PITPNA: variants seen among roughly 807,000 people sequenced by gnomAD.
PITPNA encodes the protein phosphatidylinositol transfer protein alpha.
In PITPNA, 13 loss-of-function variants were observed where a neutral mutation model predicts 50.3. That is an observed-to-expected ratio of 0.26 (90% confidence interval 0.17 to 0.41). PITPNA has a LOEUF of 0.41. Among genes scored for constraint, PITPNA ranks in the 10% least tolerant of loss-of-function variants. The pLI is 1.00. For synonymous variants in PITPNA, 120 were observed against 119.6 expected (o/e 1.00, Z -0.02); for missense variants, 207 against 333.4 (o/e 0.62, Z 2.95).
At chr17:1,529,196 A>G (rs1338853543) in intron 10 of PITPNA, among the ~76,000 whole-genome samples, 2 of 146,052 alleles carry the variant, frequency 1.4e-5, no homozygotes, top group Non-Finnish European at 3.0e-5. Context: ...CATCCTTCAC[A>G]TATAGGGATC....
At chr17:1,558,314 T>C (rs1309652300) in intron 2 of PITPNA, among the ~76,000 whole-genome samples, 2 of 150,648 alleles carry the variant, frequency 1.3e-5, no homozygotes, top group East Asian at 4.0e-4. Context: ...TCATCCAGCA[T>C]ACCAACAGCT....
chr17:1,538,580 A>G, intron 7 of PITPNA: 1 of 252,050 alleles, frequency 4.0e-6, no homozygotes, highest in Non-Finnish European at 7.5e-6. Context: ...CCGATTTTTC[A>G]GGCTAAGCAT....
At chr17:1,550,639 C>T (rs920648726) in intron 3 of PITPNA, among the ~76,000 whole-genome samples, 1 of 152,080 alleles carries the variant, frequency 6.6e-6, no homozygotes, top group African/African-American at 2.4e-5. Flanking sequence ...GGTGATCCTC[C>T]CACCTCAGCC....
At chr17:1,529,945 C>G (rs2075571624) in intron 10 of PITPNA, among the ~76,000 whole-genome samples, 1 of 151,948 alleles carries the variant, frequency 6.6e-6, no homozygotes, top group African/African-American at 2.4e-5. Flanking sequence ...AGTTAATGGC[C>G]AAAGGCCAAG....
At chr17:1,534,306 C>T in intron 9 of PITPNA, 85 bp from the exon 10 acceptor site, 2 of 1,542,026 alleles carry the variant, frequency 1.3e-6, no homozygotes, top group South Asian at 2.2e-5. Flanking sequence ...CACACGAATA[C>T]CCACACTAGA....
intron 1 of PITPNA, chr17:1,561,244 T>C (rs1224408968): frequency 1.3e-5 from 2 of 152,174 alleles, no homozygotes; most frequent in Admixed American, 1.3e-4. Context: ...ACTTGAAAGA[T>C]TTAGCACACC....
intron 7 of PITPNA, among the ~76,000 whole-genome samples, chr17:1,537,109 A>T (rs536733556): frequency 6.7e-6 from 1 of 149,936 alleles, no homozygotes; most frequent in South Asian, 2.1e-4. Context: ...CTTTTTGCCC[A>T]GGCTGGTGCA....
At chr17:1,525,040 A>G (rs577838915) in intron 10 of PITPNA, among the ~76,000 whole-genome samples, 30 of 151,762 alleles carry the variant, frequency 2.0e-4, no homozygotes, top group African/African-American at 7.0e-4. Flanking sequence ...CCCAGGCTGG[A>G]GTGCAGAGGC....
At chr17:1,560,112 C>T (rs868015244) in intron 1 of PITPNA, among the ~76,000 whole-genome samples, 7 of 152,238 alleles carry the variant, frequency 4.6e-5, no homozygotes, top group Admixed American at 3.3e-4. Context: ...AACCTGCAGA[C>T]GCTGGGTGGG....
At chr17:1,555,403 G>A (rs995213905) in intron 2 of PITPNA, among the ~76,000 whole-genome samples, 5 of 152,226 alleles carry the variant, frequency 3.3e-5, no homozygotes, top group Admixed American at 1.3e-4. Context: ...TCACGTTAGA[G>A]TTCCTTTTGG....
In PITPNA at chr17:1,520,178, TAAATC is replaced by T. The variant is rs1045383306; in HGVS notation, c.*378_*382del. On this transcript the variant is annotated 3_prime_UTR_variant, in exon 12 of 12. Transcript: ENST00000313486. ...CCCCAAGGTTGAGAACAAATGAACT[TAAATC>T]ATTTAAATCACCACATCACAAAAGG... 1 of 152,230 alleles carries T rather than the reference TAAATC, an allele frequency of 6.6e-6. No individual in the cohort carries two copies. Among genetic ancestry groups the T allele is most frequent in the African/African-American group, 2.4e-5 (1 of 41,446 alleles). 9.4% of individuals were successfully genotyped at this position (152,230 alleles called of 1,614,324 possible).
rs1466105497 is a variant in PITPNA, at chr17:1,536,574, C to T, written c.457-1056G>A. Among the ~76,000 whole-genome samples the T allele has an allele frequency of 2.6e-5, 4 of 151,070 alleles. No homozygotes were observed. The East Asian group carries it at 7.8e-4, about 30-fold the overall frequency. Reference sequence around the variant, plus strand: ...ACAGTGCTGGGATTACAGGCGTGAGCCACCGCGCCCTGCCTTATTTTTTTA... The same window carrying T: ...ACAGTGCTGGGATTACAGGCGTGAGTCACCGCGCCCTGCCTTATTTTTTTA... On this transcript the variant is annotated intron_variant, in intron 7 of 11. Coordinates refer to ENST00000313486, the MANE Select transcript of PITPNA (RefSeq NM_006224.4).
intron 10 of PITPNA, among the ~76,000 whole-genome samples, chr17:1,527,616 T>A (rs2075555548): frequency 6.6e-6 from 1 of 152,246 alleles, no homozygotes; most frequent in South Asian, 2.1e-4. Flanking sequence ...AGACTTTTAT[T>A]TATGTATTCA....
At chr17:1,543,361 C>T (rs549648503) in intron 4 of PITPNA, among the ~76,000 whole-genome samples, 4 of 152,278 alleles carry the variant, frequency 2.6e-5, no homozygotes, top group Middle Eastern at 6.8e-3. Context: ...GGCATCAGAG[C>T]GTTCTCCGGC....
In PITPNA at chr17:1,538,912, G is replaced by A; in HGVS notation, c.413C>T (p.Ala138Val). 1 of 1,613,764 alleles carries A rather than the reference G, an allele frequency of 6.2e-7. No homozygotes were observed. Among genetic ancestry groups the A allele is most frequent in the Admixed American group, 1.7e-5 (1 of 60,024 alleles). The part of the protein sequence containing the change: ...LEPEAWKHVE[A>V]VYIDIADRSQ... ...TCGATCTGCAATGTCTATATATACGGCTTCCACGTGTTTCCACGCCTCAGG... is the reference window on the plus strand; with the variant it reads ...TCGATCTGCAATGTCTATATATACGACTTCCACGTGTTTCCACGCCTCAGG... Residue 138 changes from alanine (A) to valine (V), a missense_variant, in exon 7 of 12, where the codon GCC (alanine) becomes GTC (valine). By Grantham distance (64) the Ala-to-Val change is moderately conservative (BLOSUM62 0). Transcript: ENST00000313486.
intron 3 of PITPNA, 149 bp downstream of exon 3, chr17:1,552,855 G>A: frequency 3.8e-6 from 3 of 794,330 alleles, no homozygotes; most frequent in Non-Finnish European, 6.0e-6. Context: ...ATAAATGTGA[G>A]TATAACATTT....
intron 4 of PITPNA, 134 bp downstream of exon 4, chr17:1,548,162 C>T (rs1056476299): frequency 3.7e-5 from 22 of 587,790 alleles, no homozygotes; most frequent in African/African-American, 3.6e-4. Flanking sequence ...GTGCTGGACA[C>T]AGCACTGATA....
chr17:1,553,913 CATGAG>C (rs1013636399), intron 2 of PITPNA, among the ~76,000 whole-genome samples: 5 of 152,234 alleles, frequency 3.3e-5, no homozygotes, highest in African/African-American at 1.2e-4. Flanking sequence ...CTGCTTCCCA[CATGAG>C]ATATTACAGA....
chr17:1,540,819 T>C (rs1397776895), intron 6 of PITPNA, among the ~76,000 whole-genome samples: 2 of 152,176 alleles, frequency 1.3e-5, no homozygotes, highest in African/African-American at 4.8e-5. Flanking sequence ...TCTCCTGACC[T>C]CGTGATCCGC....
Sources: allele counts gnomAD v4.1 joint callset (sites outside exome capture counted in the v4.1 genomes callset), GRCh38; gene constraint gnomAD v4.1.1; transcripts MANE v1.5; gene names NCBI Gene and HGNC (gene_info 2026-07-23, HGNC 2026-07-21).